QKI: variants seen among roughly 807,000 people sequenced by gnomAD.
The protein encoded by QKI is KH domain-containing RNA-binding protein QKI.
Under a neutral mutation model 39.0 loss-of-function variants are expected in QKI, and 10 were observed. The observed-to-expected ratio is 0.26, with a 90% CI of 0.16 to 0.43. QKI has a LOEUF of 0.43. Among genes scored for constraint, QKI ranks in the 20% least tolerant of loss-of-function variants. The probability of loss-of-function intolerance (pLI) is 1.00; values close to 1 mark genes in which losing one functional copy is unlikely to be tolerated. For synonymous variants in QKI, 204 were observed against 155.4 expected (o/e 1.31, Z -2.33); for missense variants, 218 against 428.0 (o/e 0.51, Z 4.33).
intron 6 of QKI, chr6:163,566,298 T>G (rs2128251591): frequency 8.3e-7 from 1 of 1,202,728 alleles, no homozygotes; most frequent in Non-Finnish European, 1.0e-6. Flanking sequence ...AAGAATTGCT[T>G]TTAAACCTTT....
At chr6:163,424,913 T>A (rs1438620463) in intron 1 of QKI, among the ~76,000 whole-genome samples, 1 of 152,154 alleles carries the variant, frequency 6.6e-6, no homozygotes, top group African/African-American at 2.4e-5. Context: ...TTACAGGTGT[T>A]AGCCACTGCC....
intron 3 of QKI, among the ~76,000 whole-genome samples, chr6:163,506,113 C>T (rs1779080003): frequency 6.6e-6 from 1 of 151,802 alleles, no homozygotes; most frequent in South Asian, 2.1e-4. Context: ...TCCCCTTCCA[C>T]CATGATTTTA....
chr6:163,542,988 T>C (rs958433833), intron 4 of QKI, among the ~76,000 whole-genome samples: 1 of 151,974 alleles, frequency 6.6e-6, no homozygotes, highest in Non-Finnish European at 1.5e-5. Flanking sequence ...TGTTACAAAA[T>C]GCACTTTTTA....
At chr6:163,466,285 C>T (rs181769010) in intron 2 of QKI, among the ~76,000 whole-genome samples, 25 of 152,188 alleles carry the variant, frequency 1.6e-4, no homozygotes, top group Non-Finnish European at 1.9e-4. Context: ...ATTCCATGTT[C>T]GTAGATTGGA....
At chr6:163,566,677 G>GTT (rs761806110) in intron 6 of QKI, 44 bp from the exon 7 acceptor site, 1 of 1,605,898 alleles carries the variant, frequency 6.2e-7, no homozygotes, top group Non-Finnish European at 8.5e-7. Flanking sequence ...TTCCCCCCTT[G>GTT]TGAATGTTTT....
intron 2 of QKI, among the ~76,000 whole-genome samples, chr6:163,461,997 T>A (rs965097779): frequency 1.3e-5 from 2 of 152,246 alleles, no homozygotes; most frequent in Admixed American, 6.5e-5. Context: ...AAAAGTACCT[T>A]AGTTTTTGAG....
chr6:163,456,388 A>G (rs1303967322), intron 2 of QKI, among the ~76,000 whole-genome samples: 1 of 152,138 alleles, frequency 6.6e-6, no homozygotes, highest in Non-Finnish European at 1.5e-5. Context: ...CCCTCATAAT[A>G]TTGGCACATA....
At chr6:163,515,334 T>A (rs75322007) in intron 3 of QKI, among the ~76,000 whole-genome samples, 4,072 of 152,208 alleles carry the variant, frequency 0.027, 97 homozygotes, top group Non-Finnish European at 0.035. Flanking sequence ...TGTTTTTTTT[T>A]AAGAAGGTCC....
At chr6:163,458,639 T>G (rs57292071) in intron 2 of QKI, among the ~76,000 whole-genome samples, 20 of 152,238 alleles carry the variant, frequency 1.3e-4, no homozygotes, top group African/African-American at 4.6e-4. Flanking sequence ...GAAACTGATA[T>G]GAGAAGAAAG....
chr6:163,545,761 T>C (rs1189042765), intron 4 of QKI, among the ~76,000 whole-genome samples: 1 of 152,070 alleles, frequency 6.6e-6, no homozygotes, highest in East Asian at 1.9e-4. Context: ...AGACATCTTG[T>C]AATTCTAAAT....
At chr6:163,471,721 G>C (rs1265466905) in intron 2 of QKI, among the ~76,000 whole-genome samples, 53 of 151,896 alleles carry the variant, frequency 3.5e-4, no homozygotes, top group Admixed American at 3.5e-3. Context: ...GGAAAAAGAG[G>C]CAAGAAAGAA....
chr6:163,441,743 T>C (rs1789776673), intron 1 of QKI, among the ~76,000 whole-genome samples: 1 of 152,186 alleles, frequency 6.6e-6, no homozygotes, highest in Admixed American at 6.5e-5. Flanking sequence ...TACTGCTCTT[T>C]GGGGAAAAGC....
Position 163,566,784 on chromosome 6 carries a change from C to A in QKI, c.998C>A (p.Thr333Asn). The change falls in exon 7 of 8, where the codon ACC becomes AAC. Residue 333 changes from threonine (T) to asparagine (N), a missense_variant. Physicochemically the swap from Thr to Asn is moderately conservative, Grantham distance 65 (BLOSUM62 0). Around this residue, in one of 3 missense-constraint regions of QKI, gnomAD observed 117 missense variants for 186.0 expected, o/e 0.63. Coordinates refer to ENST00000361752, the MANE Select transcript of QKI (RefSeq NM_006775.3). ...GTCCATCCTTACCAAAGGATTGTGA[C>A]CGCAGACCGAGGTTAGTTTAGTTCT... ...MRVHPYQRIV[T>N]ADRAATGN The A allele has an allele frequency of 6.2e-7, 1 of 1,613,746 alleles. No homozygotes were observed. The highest frequency in any genetic ancestry group is 8.5e-7 in the Non-Finnish European group (1 of 1,179,834).
chr6:163,485,879 G>A (rs753132985), intron 3 of QKI, among the ~76,000 whole-genome samples: 4 of 152,202 alleles, frequency 2.6e-5, no homozygotes, highest in Non-Finnish European at 4.4e-5. Context: ...ATTGGAAGAT[G>A]ACAAATTGTC....
chr6:163,416,442 A>T (rs913530973), intron 1 of QKI: 1 of 159,274 alleles, frequency 6.3e-6, no homozygotes, highest in African/African-American at 2.4e-5. Context: ...TTTCCTGCTT[A>T]GAGGCACCAC....
chr6:163,563,891 A>G (rs1783188694), intron 6 of QKI, 172 bp downstream of exon 6: 2 of 1,419,586 alleles, frequency 1.4e-6, no homozygotes, highest in East Asian at 2.5e-5. Context: ...CCCCTTTGAA[A>G]TAATTGCACC....
chr6:163,436,523 G>A (rs904497298), intron 1 of QKI, among the ~76,000 whole-genome samples: 2 of 152,046 alleles, frequency 1.3e-5, no homozygotes, highest in Non-Finnish European at 2.9e-5. Context: ...GGTATGAAAA[G>A]GAAGAAATGG....
At chr6:163,560,673 A>G (rs1014352537) in intron 4 of QKI, among the ~76,000 whole-genome samples, 2 of 152,200 alleles carry the variant, frequency 1.3e-5, no homozygotes, top group African/African-American at 4.8e-5. Flanking sequence ...TTGAGAGGAT[A>G]TTTTGGGACC....
At chr6:163,427,164 A>G (rs1788469216) in intron 1 of QKI, among the ~76,000 whole-genome samples, 1 of 148,758 alleles carries the variant, frequency 6.7e-6, no homozygotes, top group South Asian at 2.1e-4. Flanking sequence ...TATGGACAGT[A>G]TTGACTTTAA....
Sources: allele counts gnomAD v4.1 joint callset (sites outside exome capture counted in the v4.1 genomes callset), GRCh38; gene constraint gnomAD v4.1.1; regional missense constraint gnomAD v4.1.1; transcripts MANE v1.5; gene names NCBI Gene and HGNC (gene_info 2026-07-23, HGNC 2026-07-21).